The following CSMD3 variants were observed in gnomAD, a reference collection of about 807,000 sequenced individuals.
The protein encoded by CSMD3 is CUB and sushi domain-containing protein 3.
CSMD3 carries 177 observed loss-of-function variants against 435.2 expected under a neutral mutation model. The observed-to-expected ratio is 0.41, with a 90% CI of 0.36 to 0.46. The LOEUF (loss-of-function observed/expected upper bound fraction) is 0.46. CSMD3 is among the 20% of genes least tolerant of loss of function. The probability of loss-of-function intolerance (pLI) is 0.34; values close to 1 mark genes in which losing one functional copy is unlikely to be tolerated. For missense variants in CSMD3, 4,265 were observed against 4,504.6 expected (o/e 0.95, Z 1.52); for synonymous variants, 1,656 against 1,520.5 (o/e 1.09, Z -2.07).
intron 13 of CSMD3, among the ~76,000 whole-genome samples, chr8:112,725,186 C>T (rs67594301): frequency 0.33 from 50,497 of 151,656 alleles, 9,268 homozygotes; most frequent in African/African-American, 0.5. Context: ...TAAATCCATG[C>T]TTTTATAATC....
intron 31 of CSMD3, among the ~76,000 whole-genome samples, chr8:112,477,718 C>T (rs56790296): frequency 0.017 from 2,654 of 152,226 alleles, 80 homozygotes; most frequent in African/African-American, 0.06. Flanking sequence ...GATGGTGAAG[C>T]CATGCTTCTT....
chr8:112,970,550 TA>T (rs1404327464), intron 7 of CSMD3, among the ~76,000 whole-genome samples: 1 of 152,046 alleles, frequency 6.6e-6, no homozygotes, highest in Non-Finnish European at 1.5e-5. Flanking sequence ...CAATTATTTT[TA>T]AGCTTACTTA....
intron 6 of CSMD3, among the ~76,000 whole-genome samples, chr8:112,990,696 T>C (rs1368021066): frequency 6.6e-6 from 1 of 151,794 alleles, no homozygotes; most frequent in Non-Finnish European, 1.5e-5. Flanking sequence ...AAGGATAAAT[T>C]GCAAGCAGGA....
In CSMD3 at chr8:112,380,476, G is replaced by T. The variant is rs767606726; in HGVS notation, c.6032-20C>A. 2.4e-6 allele frequency: 3 copies of T among 1,235,830 alleles called. No homozygotes were observed. The highest frequency in any genetic ancestry group is 3.6e-6 in the Non-Finnish European group (3 of 836,666). 76.6% of individuals were successfully genotyped at this position (1,235,830 alleles called of 1,614,324 possible). A position where few individuals can be genotyped will look rare whatever the true frequency, so the allele number is the denominator to read the frequency against. ...TTGTTCCTGAAATGATATATGAGAA[G>T]GCAAGACAATGACCACATAATAAGT... On this transcript the variant is annotated intron_variant, in intron 37 of 70. Coordinates refer to ENST00000297405, the MANE Select transcript of CSMD3 (RefSeq NM_198123.2).
At chr8:112,966,749 A>T (rs2130889390) in intron 7 of CSMD3, among the ~76,000 whole-genome samples, 1 of 151,996 alleles carries the variant, frequency 6.6e-6, no homozygotes, top group Non-Finnish European at 1.5e-5. Context: ...TAGCTCAGCC[A>T]TTCTTAAAGG....
intron 22 of CSMD3, among the ~76,000 whole-genome samples, chr8:112,620,747 G>T (rs1834005738): frequency 1.3e-5 from 2 of 152,102 alleles, no homozygotes; most frequent in Non-Finnish European, 2.9e-5. Flanking sequence ...TGCATCTTGT[G>T]TTTTTTGCCT....
rs752146349 is a variant in CSMD3 at position 112,241,736 on chromosome 8, G to A, written c.10452C>T (p.Pro3484=). The part of the protein sequence containing the change: ...VKDPRPALGT[P]SPKLSVPDDV... ...ATTACTAACCACTTAGCTTTGGGCT[G>A]GGTGTTCCCAGTGCAGGTCTAGGAT... Residue 3484 remains proline (P), a synonymous_variant, in exon 66 of 71, where the codon CCC becomes CCT. Coordinates refer to ENST00000297405, the MANE Select transcript of CSMD3 (RefSeq NM_198123.2). 2 of 1,611,870 alleles carry A rather than the reference G, an allele frequency of 1.2e-6. No individual in the cohort carries two copies. Among genetic ancestry groups the A allele is most frequent in the Non-Finnish European group, 1.7e-6 (2 of 1,178,148 alleles).
chr8:113,015,643 GAAT>G (rs1425662000), intron 6 of CSMD3, among the ~76,000 whole-genome samples: 1 of 151,676 alleles, frequency 6.6e-6, no homozygotes, highest in Non-Finnish European at 1.5e-5. Context: ...GCTGAATGTT[GAAT>G]AATTTTAAAA....
chr8:112,733,872 T>A (rs536982161), intron 13 of CSMD3, among the ~76,000 whole-genome samples: 1 of 152,038 alleles, frequency 6.6e-6, no homozygotes, highest in South Asian at 2.1e-4. Flanking sequence ...AAAACATACA[T>A]AATAATAATA....
At chr8:112,687,250 A>G (rs1177052097) in intron 14 of CSMD3, among the ~76,000 whole-genome samples, 2 of 151,952 alleles carry the variant, frequency 1.3e-5, no homozygotes, top group Non-Finnish European at 2.9e-5. Flanking sequence ...GATAAGAAAA[A>G]TGATAACTCA....
chr8:112,660,173 A>C (rs2131677741), intron 17 of CSMD3, among the ~76,000 whole-genome samples: 1 of 152,238 alleles, frequency 6.6e-6, no homozygotes, highest in Admixed American at 6.5e-5. Flanking sequence ...GGAAATCAAA[A>C]GAGAATTAGA....
intron 45 of CSMD3, among the ~76,000 whole-genome samples, chr8:112,332,504 G>T (rs959705075): frequency 6.6e-6 from 1 of 152,080 alleles, no homozygotes; most frequent in African/African-American, 2.4e-5. Flanking sequence ...CTTTAAATTA[G>T]ATTTAATGTA....
intron 3 of CSMD3, among the ~76,000 whole-genome samples, chr8:113,181,432 T>C (rs1160526057): frequency 6.6e-6 from 1 of 152,054 alleles, no homozygotes; most frequent in African/African-American, 2.4e-5. Context: ...CAGATGTAGA[T>C]TTATGGTTAA....
chr8:113,151,028 G>C (rs1429833362), intron 4 of CSMD3, among the ~76,000 whole-genome samples: 1 of 151,900 alleles, frequency 6.6e-6, no homozygotes, highest in Non-Finnish European at 1.5e-5. Context: ...GATATCTTTT[G>C]AGAGATCAAA....
intron 4 of CSMD3, among the ~76,000 whole-genome samples, chr8:113,107,798 T>A (rs2090525239): frequency 6.6e-6 from 1 of 152,172 alleles, no homozygotes; most frequent in South Asian, 2.1e-4. Flanking sequence ...CTTCAGTATT[T>A]AAAATGTCTG....
rs1554715003 is a variant in CSMD3, at chr8:112,905,321, T to TGTATATAC, written c.1633+16305_1633+16306insGTATATAC. On this transcript the variant is annotated intron_variant, in intron 10 of 70. Transcript: ENST00000297405. The stretch of plus-strand genomic sequence containing the variant: ...TATACTATGTGTATATATATATATA[T>TGTATATAC]ACACACACACACACACACATATATA... Among the ~76,000 whole-genome samples the TGTATATAC allele has an allele frequency of 4.8e-4, 70 of 145,688 alleles. 1 individual carries two copies. The highest frequency in any genetic ancestry group is 3.5e-3 in the Middle Eastern group (1 of 286).
intron 4 of CSMD3, among the ~76,000 whole-genome samples, chr8:113,116,952 T>C (rs1327942339): frequency 1.3e-5 from 2 of 152,022 alleles, no homozygotes; most frequent in African/African-American, 4.8e-5. Context: ...GCAGAAGAAA[T>C]TTCTAAGTGG....
At chr8:112,877,710 CA>C (rs763400482) in intron 10 of CSMD3, among the ~76,000 whole-genome samples, 67 of 152,130 alleles carry the variant, frequency 4.4e-4, no homozygotes, top group Middle Eastern at 3.4e-3. Context: ...GTACTGGTAC[CA>C]AAACAGATAT....
intron 4 of CSMD3, among the ~76,000 whole-genome samples, chr8:113,125,896 G>T (rs894001934): frequency 4.0e-5 from 6 of 151,822 alleles, no homozygotes; most frequent in Admixed American, 6.6e-5. Context: ...GTTAGAAATG[G>T]GAGTGGAGTG....
Sources: gnomAD v4.1 joint callset for allele counts (sites outside exome capture counted in the v4.1 genomes callset) on GRCh38, gnomAD v4.1.1 for gene constraint, MANE v1.5 for transcripts, NCBI Gene and HGNC (gene_info 2026-07-23, HGNC 2026-07-21) for gene names.